The following LAMA2 variants were observed in gnomAD, a reference collection of about 807,000 sequenced individuals.
LAMA2 encodes laminin subunit alpha-2.
A neutral mutation model predicts 364.8 loss-of-function variants in LAMA2; 269 were observed. The observed-to-expected ratio is 0.74, with a 90% confidence interval of 0.67 to 0.82. The LOEUF (loss-of-function observed/expected upper bound fraction) is 0.82, where lower values mean the gene tolerates loss of function less well. Ranked by LOEUF, LAMA2 falls within the 40% of genes least tolerant of loss-of-function variation. LAMA2 has a pLI of 0.00. For synonymous variants in LAMA2, 1,379 were observed against 1,370.6 expected, an observed-to-expected ratio of 1.01 and a Z score of -0.14; for missense variants, 3,807 against 3,873.2, an observed-to-expected ratio of 0.98 and a Z score of 0.45.
intron 32 of LAMA2, among the ~76,000 whole-genome samples, chr6:129,364,602 G>A (rs919517518): frequency 1.3e-5 from 2 of 151,936 alleles, no homozygotes; most frequent in Admixed American, 1.3e-4. Context: ...GAAATTATAC[G>A]ACTATTTATG....
chr6:129,360,618 G>A (rs1777405800), intron 32 of LAMA2, among the ~76,000 whole-genome samples: 1 of 152,098 alleles, frequency 6.6e-6, no homozygotes, highest in African/African-American at 2.4e-5. Flanking sequence ...CTTGTACTTT[G>A]TTCCCCAAAA....
chr6:129,305,375 A>T (rs982630408), intron 22 of LAMA2, among the ~76,000 whole-genome samples: 1 of 151,368 alleles, frequency 6.6e-6, no homozygotes, highest in South Asian at 2.1e-4. Flanking sequence ...CCCAGGCTAG[A>T]GTGCAGTGGT....
intron 41 of LAMA2, among the ~76,000 whole-genome samples, chr6:129,434,012 T>C (rs1781723023): frequency 6.6e-6 from 1 of 152,180 alleles, no homozygotes; most frequent in Admixed American, 6.5e-5. Flanking sequence ...TCCAACTCTG[T>C]GTCCTATAGT....
intron 45 of LAMA2, 144 bp downstream of exon 45, chr6:129,445,965 G>A (rs1436486113): frequency 2.2e-5 from 16 of 713,258 alleles, no homozygotes; most frequent in Non-Finnish European, 3.4e-5. Flanking sequence ...AGGAGGGGTT[G>A]GAGTGGGGGA....
intron 40 of LAMA2, among the ~76,000 whole-genome samples, chr6:129,404,472 C>T (rs1000819630): frequency 2.0e-5 from 3 of 152,148 alleles, no homozygotes; most frequent in Admixed American, 1.3e-4. Flanking sequence ...CCTTTGGCTA[C>T]AATCATTGTT....
intron 22 of LAMA2, among the ~76,000 whole-genome samples, chr6:129,303,735 C>G (rs914020289): frequency 4.6e-5 from 7 of 152,098 alleles, no homozygotes; most frequent in African/African-American, 7.2e-5. Context: ...ACATATCAAT[C>G]CAGTCTTACA....
intron 1 of LAMA2, among the ~76,000 whole-genome samples, chr6:129,031,948 T>C (rs1164324409): frequency 6.6e-6 from 1 of 152,144 alleles, no homozygotes; most frequent in African/African-American, 2.4e-5. Context: ...TCCTCCCGAG[T>C]AGCTGGGATT....
intron 2 of LAMA2, among the ~76,000 whole-genome samples, chr6:129,059,248 C>A (rs1788712967): frequency 6.6e-6 from 1 of 152,094 alleles, no homozygotes; most frequent in Non-Finnish European, 1.5e-5. Context: ...CTCAATATCT[C>A]ATAGAATGAA....
chr6:129,345,502 A>G (rs1422309387), intron 30 of LAMA2, among the ~76,000 whole-genome samples: 1 of 152,122 alleles, frequency 6.6e-6, no homozygotes, highest in African/African-American at 2.4e-5. Flanking sequence ...GTGTGTTTTC[A>G]TTTTTGTTTC....
chr6:129,292,242 A>G (rs984239435), intron 20 of LAMA2, among the ~76,000 whole-genome samples: 4 of 152,158 alleles, frequency 2.6e-5, no homozygotes, highest in Admixed American at 2.6e-4. Flanking sequence ...GCTACTCAGG[A>G]GGCTGAGGCG....
At chr6:129,148,660 T>C (rs1245107829) in intron 6 of LAMA2, among the ~76,000 whole-genome samples, 1 of 151,840 alleles carries the variant, frequency 6.6e-6, no homozygotes, top group Admixed American at 6.6e-5. Context: ...AACAAGCTAA[T>C]CGACCCCCAA....
At chr6:129,480,443 A>G (rs989553987) in intron 54 of LAMA2, among the ~76,000 whole-genome samples, 8 of 152,184 alleles carry the variant, frequency 5.3e-5, no homozygotes, top group Non-Finnish European at 8.8e-5. Context: ...TGAGAGAGTG[A>G]TATCTTCCAC....
rs1275169667 is a variant in LAMA2, at chr6:128,883,229, C to T, written c.-17C>T. On this transcript the variant is annotated 5_prime_UTR_variant, in exon 1 of 65. Transcript: ENST00000421865. ...TCCTCTGGCTCCCGAGAAGTGGATC[C>T]GGTCGCGGCCACTACGATGCCGGGA... 6.5e-7 allele frequency: 1 copy of T among 1,547,462 alleles called. No homozygotes were observed. The highest frequency in any genetic ancestry group is 1.2e-5 in the South Asian group (1 of 84,060).
Position 129,251,850 on chromosome 6 carries a change from G to A in LAMA2, c.1885-234G>A, listed in dbSNP as rs530687986. On this transcript the variant is annotated intron_variant, in intron 13 of 64. Coordinates refer to ENST00000421865, the MANE Select transcript of LAMA2 (RefSeq NM_000426.4). ...TTATGGAGGCTGAGGCATGAGAATC[G>A]CTTGAACCTGGGAGGCACAGGTGGC... 3.3e-3 allele frequency among the ~76,000 whole-genome samples: 500 copies of A among 152,156 alleles called. 3 individuals are homozygous for A. The highest frequency in any genetic ancestry group is 0.011 in the African/African-American group (475 of 41,500).
intron 4 of LAMA2, among the ~76,000 whole-genome samples, chr6:129,129,650 C>T (rs1174626071): frequency 6.6e-6 from 1 of 152,044 alleles, no homozygotes; most frequent in Admixed American, 6.5e-5. Flanking sequence ...TTTGGCCGGG[C>T]GCGGTGGCTC....
intron 22 of LAMA2, among the ~76,000 whole-genome samples, chr6:129,312,094 T>C (rs893153625): frequency 6.7e-6 from 1 of 148,626 alleles, no homozygotes; most frequent in African/African-American, 2.6e-5. Context: ...GAAACAGTAC[T>C]GAATCAAAAC....
chr6:129,314,193 G>A (rs1459751858), intron 23 of LAMA2, among the ~76,000 whole-genome samples: 3 of 152,108 alleles, frequency 2.0e-5, no homozygotes, highest in Non-Finnish European at 2.9e-5. Context: ...GAGGTCAGGA[G>A]ATCGAGACAA....
rs771196571 is a variant in LAMA2, at chr6:129,438,732, A to G, written c.6055A>G (p.Thr2019Ala). The change falls in exon 42 of 65, where the codon ACT (threonine) becomes GCT (alanine). Residue 2019 changes from threonine to alanine, a missense_variant. Physicochemically the swap from Thr to Ala is moderately conservative, Grantham distance 58. Coordinates refer to ENST00000421865, the MANE Select transcript of LAMA2 (RefSeq NM_000426.4). ...NGDLLRTLNDTLGKLSAIPND... is the reference protein window; with the variant it reads ...NGDLLRTLNDALGKLSAIPND... The stretch of plus-strand genomic sequence containing the variant: ...GGATCTCTTGAGAACTTTGAATGAC[A>G]CTTTGGGAAAGTTATCAGCTATTCC... The G allele has an allele frequency of 3.1e-6, 5 of 1,599,976 alleles. No homozygotes were observed. The highest frequency in any genetic ancestry group is 1.3e-5 in the African/African-American group (1 of 74,696).
At chr6:129,157,486 C>T (rs1363448497) in intron 8 of LAMA2, 4 of 1,609,642 alleles carry the variant, frequency 2.5e-6, no homozygotes, top group Non-Finnish European at 3.4e-6. Context: ...AAAAACAGTT[C>T]TTGCAGTCTA....
Sources: gnomAD v4.1 joint callset for allele counts (sites outside exome capture counted in the v4.1 genomes callset) on GRCh38, gnomAD v4.1.1 for gene constraint, MANE v1.5 for transcripts, NCBI Gene and HGNC (gene_info 2026-07-23, HGNC 2026-07-21) for gene names.